Variants in CYP26A1 observed in about 807,000 individuals in gnomAD.
The protein encoded by CYP26A1 is cytochrome P450 26A1.
Under a neutral mutation model 47.4 loss-of-function variants are expected in CYP26A1, and 46 were observed. The observed-to-expected ratio is 0.97, with a 90% CI of 0.77 to 1.24. The LOEUF is 1.24. CYP26A1 is among the 50% of genes most tolerant of loss of function. The pLI, the probability that CYP26A1 is intolerant of heterozygous loss-of-function variation, is 0.00. For synonymous variants in CYP26A1, 277 were observed against 263.7 expected, an observed-to-expected ratio of 1.05 and a Z score of -0.49; for missense variants, 680 against 644.4, an observed-to-expected ratio of 1.06 and a Z score of -0.60.
At chr10:93,075,447 C>A in intron 4 of CYP26A1, 140 bp downstream of exon 4, 1 of 771,214 alleles carries the variant, frequency 1.3e-6, no homozygotes, top group Non-Finnish European at 2.0e-6. Flanking sequence ...CTATGGAATC[C>A]CGAAGGAAGG....
At position 93,075,218 on chromosome 10, in the gene CYP26A1, C is replaced by T. The variant is rs775585442; in HGVS notation, c.775C>T (p.Arg259Trp). ...QNIRAKICGL[R>W]ASEAGQGCKD... ...CATTCGCGCCAAGATCTGCGGGCTG[C>T]GGGCATCCGAGGCGGGCCAGGGCTG... Residue 259 changes from arginine (R) to tryptophan (W), a missense_variant, in exon 4 of 7, where the codon CGG becomes TGG. Transcript: ENST00000224356. The T allele has an allele frequency of 1.9e-6, 3 of 1,613,836 alleles. No homozygotes were observed. The highest frequency in any genetic ancestry group is 1.3e-5 in the African/African-American group (1 of 74,954).
chr10:93,074,199 A>C lies in CYP26A1; in HGVS notation c.189+76A>C. 1 of 1,516,494 alleles carries C rather than the reference A, an allele frequency of 6.6e-7. No homozygotes were observed. Among genetic ancestry groups the C allele is most frequent in the East Asian group, 2.5e-5 (1 of 40,648 alleles). 93.9% of individuals were successfully genotyped at this position (1,516,494 alleles called of 1,614,324 possible). ...TCTGGGCTTCTGCTGAAGTCGGGGT[A>C]GGCGCCCCCGGGAGGCATGCTATTG... is the stretch of plus-strand genomic sequence containing the variant. On this transcript the variant is annotated intron_variant, in intron 1 of 6. Coordinates refer to ENST00000224356, the MANE Select transcript of CYP26A1 (RefSeq NM_000783.4). This position sits in a 1 kb window ranked among gnomAD's most constrained non-coding sequence, Gnocchi z 5.3.
intron 5 of CYP26A1, 92 bp downstream of exon 5, chr10:93,076,052 A>G: frequency 2.0e-6 from 2 of 1,014,942 alleles, no homozygotes; most frequent in South Asian, 1.4e-5. Context: ...TGCTGCCTTC[A>G]TGGAGTATTT....
chr10:93,074,881 C>T lies in CYP26A1; in HGVS notation c.517C>T (p.Arg173Cys), dbSNP rs61735552. The T allele has an allele frequency of 1.9e-6, 3 of 1,612,822 alleles. No individual in the cohort carries two copies. Among genetic ancestry groups the T allele is most frequent in the African/African-American group, 2.7e-5 (2 of 74,936 alleles). The change falls in exon 3 of 7, where the codon CGC (arginine) becomes TGC (cysteine). Residue 173 changes from arginine to cysteine, a missense_variant. Coordinates refer to ENST00000224356, the MANE Select transcript of CYP26A1 (RefSeq NM_000783.4). This position sits in a 1 kb window ranked among gnomAD's most constrained non-coding sequence, Gnocchi z 5.3. The part of the protein sequence containing the change: ...SLEQWLSCGE[R>C]GLLVYPEVKR... ...GGAGCAGTGGCTGAGCTGCGGCGAGCGCGGCCTCCTGGTCTACCCCGAGGT... is the reference window on the plus strand; with the variant it reads ...GGAGCAGTGGCTGAGCTGCGGCGAGTGCGGCCTCCTGGTCTACCCCGAGGT...
At chr10:93,073,746 G>T, upstream of CYP26A1, 1 of 567,442 alleles carries the variant, frequency 1.8e-6, no homozygotes, top group Non-Finnish European at 3.1e-6. Context: ...AACGGTTAAA[G>T]ATTTTGGGCA....
Position 93,074,011 on chromosome 10 carries a change from A to G in CYP26A1, c.77A>G (p.Lys26Arg). ...CTGCTGCTCTTCCTGGCTGCGATCA[A>G]GCTCTGGGACCTGTACTGCGTGAGC... The part of the protein sequence containing the change: ...LPLLLFLAAI[K>R]LWDLYCVSGR... Residue 26 changes from lysine (K) to arginine (R), a missense_variant, in exon 1 of 7, where the codon AAG (lysine) becomes AGG (arginine). Physicochemically the swap from Lys to Arg is conservative, Grantham distance 26. Coordinates refer to ENST00000224356, the MANE Select transcript of CYP26A1 (RefSeq NM_000783.4). This position sits in a 1 kb window ranked among gnomAD's most constrained non-coding sequence, Gnocchi z 5.3. 6.3e-7 allele frequency: 1 copy of G among 1,599,162 alleles called. No homozygotes were observed. Among genetic ancestry groups the G allele is most frequent in the Non-Finnish European group, 8.6e-7 (1 of 1,167,516 alleles).
chr10:93,073,816 A>G (rs1354115044), upstream of CYP26A1: 1 of 585,410 alleles, frequency 1.7e-6, no homozygotes, highest in Non-Finnish European at 3.0e-6. Flanking sequence ...ACTTTGGGTG[A>G]ACTAATTGTC....
Position 93,074,369 on chromosome 10 carries a change from T to C in CYP26A1, c.251T>C (p.Phe84Ser). 1 of 1,612,494 alleles carries C rather than the reference T, an allele frequency of 6.2e-7. No individual in the cohort carries two copies. Among genetic ancestry groups the C allele is most frequent in the Non-Finnish European group, 8.5e-7 (1 of 1,179,302 alleles). Residue 84 changes from phenylalanine to serine, a missense_variant, in exon 2 of 7, where the codon TTC becomes TCC. Phe to Ser is a radical substitution (Grantham distance 155). Coordinates refer to ENST00000224356, the MANE Select transcript of CYP26A1 (RefSeq NM_000783.4). This position sits in a 1 kb window ranked among gnomAD's most constrained non-coding sequence, Gnocchi z 5.3. ...GGCTTCATCTACAAGACGCATCTGT[T>C]CGGGCGGCCCACCGTACGGGTGATG... ...KYGFIYKTHL[F>S]GRPTVRVMGA...
At position 93,074,877 on chromosome 10, in the gene CYP26A1, C is replaced by T. The variant is rs143939065; in HGVS notation, c.513C>T (p.Gly171=). 2 of 1,612,796 alleles carry T rather than the reference C, an allele frequency of 1.2e-6. No individual in the cohort carries two copies. Among genetic ancestry groups the T allele is most frequent in the South Asian group, 2.2e-5 (2 of 91,072 alleles). ...GSSLEQWLSC[G]ERGLLVYPEV... ...GCCTGGAGCAGTGGCTGAGCTGCGG[C>T]GAGCGCGGCCTCCTGGTCTACCCCG... Residue 171 remains glycine (G), a synonymous_variant, in exon 3 of 7, where the codon GGC becomes GGT. Transcript: ENST00000224356. The surrounding 1 kb of genome is among the most constrained non-coding windows in gnomAD (Gnocchi z 5.3).
In CYP26A1 at chr10:93,075,030, C is replaced by T. The variant is rs755821635; in HGVS notation, c.666C>T (p.Phe222=). The T allele has an allele frequency of 6.2e-7, 1 of 1,613,088 alleles. No homozygotes were observed. The highest frequency in any genetic ancestry group is 8.5e-7 in the Non-Finnish European group (1 of 1,180,000). Reference sequence around the variant, plus strand: ...TCGAGGAAATGACCCGCAATCTCTTCTCGCTGCCCATCGACGTGCCCTTCA... The same window carrying T: ...TCGAGGAAATGACCCGCAATCTCTTTTCGCTGCCCATCGACGTGCCCTTCA... The part of the protein sequence containing the change: ...EAFEEMTRNL[F]SLPIDVPFSG... Residue 222 remains phenylalanine (F), a synonymous_variant, in exon 3 of 7, where the codon TTC becomes TTT. Transcript: ENST00000224356.
chr10:93,074,383 G>C lies in CYP26A1; in HGVS notation c.265G>C (p.Val89Leu). The C allele has an allele frequency of 6.2e-7, 1 of 1,611,824 alleles. No individual in the cohort carries two copies. Among genetic ancestry groups the C allele is most frequent in the Non-Finnish European group, 8.5e-7 (1 of 1,178,600 alleles). Residue 89 changes from valine to leucine, a missense_variant, in exon 2 of 7, where the codon GTA (valine) becomes CTA (leucine). Physicochemically the swap from Val to Leu is conservative, Grantham distance 32. Coordinates refer to ENST00000224356, the MANE Select transcript of CYP26A1 (RefSeq NM_000783.4). The surrounding 1 kb of genome is among the most constrained non-coding windows in gnomAD (Gnocchi z 5.3). ...YKTHLFGRPT[V>L]RVMGADNVRR... ...GACGCATCTGTTCGGGCGGCCCACCGTACGGGTGATGGGCGCGGACAATGT... is the reference window on the plus strand; with the variant it reads ...GACGCATCTGTTCGGGCGGCCCACCCTACGGGTGATGGGCGCGGACAATGT...
Position 93,073,893 on chromosome 10 carries a change from G to C in CYP26A1, c.-42G>C. On this transcript the variant is annotated 5_prime_UTR_variant, in exon 1 of 7. Coordinates refer to ENST00000224356, the MANE Select transcript of CYP26A1 (RefSeq NM_000783.4). Reference sequence around the variant, plus strand: ...GCGGCAGCGCCGTGGGGTTTGAAGCGCTGGCGGCGGCGGCAGGTGGCGCGG... The same window carrying C: ...GCGGCAGCGCCGTGGGGTTTGAAGCCCTGGCGGCGGCGGCAGGTGGCGCGG... 1.4e-6 allele frequency: 1 copy of C among 714,902 alleles called. No homozygotes were observed. Among genetic ancestry groups the C allele is most frequent in the Admixed American group, 2.1e-5 (1 of 47,826 alleles). 44.3% of individuals were successfully genotyped at this position (714,902 alleles called of 1,614,324 possible).
chr10:93,076,389 A>G, intron 5 of CYP26A1, 155 bp from the exon 6 acceptor site: 2 of 604,906 alleles, frequency 3.3e-6, no homozygotes, highest in South Asian at 2.1e-5. Context: ...GGATTTGGGC[A>G]GGCAAATGGC....
intron 4 of CYP26A1, 196 bp from the exon 5 acceptor site, chr10:93,075,630 C>A (rs1159535000): frequency 1.7e-6 from 1 of 588,026 alleles, no homozygotes; most frequent in African/African-American, 1.9e-5. Context: ...AGAGCGGGGT[C>A]GTACTCGCCT....
rs948647989 is a variant in CYP26A1 at position 93,075,080 on chromosome 10, C to T, written c.705+11C>T. 6.2e-7 allele frequency: 1 copy of T among 1,611,132 alleles called. No individual in the cohort carries two copies. The highest frequency in any genetic ancestry group is 8.5e-7 in the Non-Finnish European group (1 of 1,178,654). On this transcript the variant is annotated intron_variant, in intron 3 of 6. Transcript: ENST00000224356. ...AGCGGGCTGTACCGGGTAAGGGCGGCAAACGGGCTGCGGACTAGGGGCGCG... is the reference window on the plus strand; with the variant it reads ...AGCGGGCTGTACCGGGTAAGGGCGGTAAACGGGCTGCGGACTAGGGGCGCG...
Position 93,074,743 on chromosome 10 carries a change from G to A in CYP26A1, c.415-36G>A, listed in dbSNP as rs766508875. The A allele has an allele frequency of 3.2e-6, 5 of 1,549,770 alleles. No individual in the cohort carries two copies. The highest frequency in any genetic ancestry group is 1.4e-5 in the African/African-American group (1 of 73,962). On this transcript the variant is annotated intron_variant, in intron 2 of 6. Coordinates refer to ENST00000224356, the MANE Select transcript of CYP26A1 (RefSeq NM_000783.4). This position sits in a 1 kb window ranked among gnomAD's most constrained non-coding sequence, Gnocchi z 5.3. Reference sequence around the variant, plus strand: ...ACGGCGGTAGACGAGAGGGGCGGATGGAGGCTTTTAACGCTGTCCCCTCCT... The same window carrying A: ...ACGGCGGTAGACGAGAGGGGCGGATAGAGGCTTTTAACGCTGTCCCCTCCT...
intron 6 of CYP26A1, 79 bp from the exon 7 acceptor site, chr10:93,076,884 A>G (rs1313902153): frequency 6.4e-6 from 7 of 1,093,110 alleles, no homozygotes; most frequent in African/African-American, 3.2e-5. Context: ...ATTTCCCCCA[A>G]AGATATCAGT....
rs1846933662 is a variant in CYP26A1, at chr10:93,074,085, T to G, written c.151T>G (p.Phe51Val). 2.1e-6 allele frequency: 3 copies of G among 1,417,792 alleles called. No individual in the cohort carries two copies. The highest frequency in any genetic ancestry group is 1.9e-6 in the Non-Finnish European group (2 of 1,058,554). The allele number at this position is 1,417,792 out of a possible 1,614,324, so 87.8% of individuals were successfully genotyped here. ...ALPLPPGTMGFPFFGETLQMV... is the reference protein window; with the variant it reads ...ALPLPPGTMGVPFFGETLQMV... ...CCCATTGCCCCCCGGGACTATGGGC[T>G]TCCCCTTCTTTGGGGAAACCTTGCA... Residue 51 changes from phenylalanine (F) to valine (V), a missense_variant, in exon 1 of 7, where the codon TTC becomes GTC. Transcript: ENST00000224356. This position sits in a 1 kb window ranked among gnomAD's most constrained non-coding sequence, Gnocchi z 5.3.
chr10:93,073,692 G>C (rs992822289), upstream of CYP26A1: 16 of 526,504 alleles, frequency 3.0e-5, no homozygotes, highest in Admixed American at 3.8e-4. Context: ...AGGCGCGCTC[G>C]GAGGGAAGCC....
Sources: allele counts gnomAD v4.1 joint callset, GRCh38; gene constraint gnomAD v4.1.1; non-coding constraint Gnocchi (gnomAD v3.1); transcripts MANE v1.5; gene names NCBI Gene and HGNC (gene_info 2026-07-23, HGNC 2026-07-21).